Variants in FRRS1L observed in about 807,000 individuals in gnomAD.
The protein encoded by FRRS1L is ferric chelate reductase 1 like.
A neutral mutation model predicts 28.6 loss-of-function variants in FRRS1L; 22 were observed. The ratio of observed to expected loss-of-function variants is 0.77; its 90% CI spans 0.55 to 1.10. The LOEUF is 1.10. Ranked by LOEUF, FRRS1L falls within the 50% of genes least tolerant of loss-of-function variation. The pLI, the probability that FRRS1L is intolerant of heterozygous loss-of-function variation, is 0.00. For missense variants in FRRS1L, 380 were observed against 386.9 expected, an observed-to-expected ratio of 0.98 and a Z score of 0.15; for synonymous variants, 158 against 151.4, an observed-to-expected ratio of 1.04 and a Z score of -0.32.
Position 109,133,794 on chromosome 9 carries a change from A to C in FRRS1L, c.*3661T>G, listed in dbSNP as rs1356568803. On this transcript the variant is annotated 3_prime_UTR_variant, in exon 5 of 5. Transcript: ENST00000561981. ...TCTATTCAGGTACTTTACGAAAAAC[A>C]CTGGTTGGGCATCTCCTCTGTGACA... The C allele has an allele frequency of 7.2e-5, 11 of 152,254 alleles. No individual in the cohort carries two copies. The East Asian group carries it at 2.1e-3, about 29-fold the overall frequency. 9.4% of individuals were successfully genotyped at this position (152,254 alleles called of 1,614,324 possible). A position where few individuals can be genotyped will look rare whatever the true frequency, so the allele number is the denominator to read the frequency against.
chr9:109,161,037 G>T (rs1019532807), intron 1 of FRRS1L, among the ~76,000 whole-genome samples: 9 of 151,672 alleles, frequency 5.9e-5, no homozygotes, highest in African/African-American at 2.2e-4. Flanking sequence ...GTGATCTGCC[G>T]CCTCGGCTTC....
At chr9:109,153,204 G>C (rs956708439) in intron 1 of FRRS1L, among the ~76,000 whole-genome samples, 3 of 152,160 alleles carry the variant, frequency 2.0e-5, no homozygotes, top group African/African-American at 7.2e-5. Context: ...TGAGCAACGG[G>C]ATGACTAAGA....
intron 4 of FRRS1L, chr9:109,140,033 CT>C (rs1451951585): frequency 1.3e-5 from 2 of 152,240 alleles, no homozygotes; most frequent in African/African-American, 4.8e-5. Context: ...CTCAGTGTAA[CT>C]TGATTTTAGC....
chr9:109,164,259 C>T (rs1831517950), intron 1 of FRRS1L, among the ~76,000 whole-genome samples: 1 of 151,924 alleles, frequency 6.6e-6, no homozygotes, highest in Admixed American at 6.6e-5. Flanking sequence ...ATGAAACTGT[C>T]AGAGAGAAGA....
In FRRS1L at chr9:109,131,628, C is replaced by T. The variant is rs537713337; in HGVS notation, c.*5827G>A. The T allele has an allele frequency of 6.6e-6, 1 of 152,334 alleles. No individual in the cohort carries two copies. Among genetic ancestry groups the T allele is most frequent in the South Asian group, 2.1e-4 (1 of 4,822 alleles). 9.4% of individuals were successfully genotyped at this position (152,334 alleles called of 1,614,324 possible). ...ATCATAAGTCAAAACAATTATGGGA[C>T]ATAACCCCATTGTAAGTTGTAGGAA... On this transcript the variant is annotated 3_prime_UTR_variant, in exon 5 of 5. Coordinates refer to ENST00000561981, the MANE Select transcript of FRRS1L (RefSeq NM_014334.4).
Position 109,137,624 on chromosome 9 carries a change from G to C in FRRS1L, c.713C>G (p.Ser238Cys), listed in dbSNP as rs2118459558. Residue 238 changes from serine (S) to cysteine (C), a missense_variant, in exon 5 of 5, where the codon TCT becomes TGT. Coordinates refer to ENST00000561981, the MANE Select transcript of FRRS1L (RefSeq NM_014334.4). The stretch of plus-strand genomic sequence containing the variant: ...TGAGTCTATATCATGTCGAGTGATA[G>C]AGCCTTTAAGAAAAAAAGAGAAGAG... Reference protein sequence around the residue: ...LFAWGPAIQGSITRHDIDSPP... With the variant: ...LFAWGPAIQGCITRHDIDSPP... The C allele has an allele frequency of 6.4e-7, 1 of 1,551,126 alleles. No homozygotes were observed. The highest frequency in any genetic ancestry group is 1.2e-5 in the South Asian group (1 of 80,518).
chr9:109,158,843 T>C (rs181199334), intron 1 of FRRS1L, among the ~76,000 whole-genome samples: 68 of 152,388 alleles, frequency 4.5e-4, no homozygotes, highest in African/African-American at 1.6e-3. Flanking sequence ...GGAGTAGAAA[T>C]GCTGCATCAT....
chr9:109,166,898 C>T lies in FRRS1L; in HGVS notation c.238+3G>A. The T allele has an allele frequency of 3.0e-6, 4 of 1,326,118 alleles. No individual in the cohort carries two copies. The highest frequency in any genetic ancestry group is 3.9e-6 in the Non-Finnish European group (4 of 1,026,438). 82.1% of individuals were successfully genotyped at this position (1,326,118 alleles called of 1,614,324 possible). A position where few individuals can be genotyped will look rare whatever the true frequency, so the allele number is the denominator to read the frequency against. On this transcript the variant is annotated splice_donor_region_variant and intron_variant, in intron 1 of 4. Transcript: ENST00000561981. ...GCAACCCCTCGCCCTCCCGCAGCCT[C>T]ACCCTCCTCCGACAGGTAGCGCAGG... is the stretch of plus-strand genomic sequence containing the variant.
At chr9:109,154,902 T>C (rs866576935) in intron 1 of FRRS1L, among the ~76,000 whole-genome samples, 4 of 152,234 alleles carry the variant, frequency 2.6e-5, no homozygotes, top group Admixed American at 6.5e-5. Flanking sequence ...CTATGTAGCA[T>C]GGAATTCTGC....
At position 109,130,933 on chromosome 9, in the gene FRRS1L, C is replaced by T. The variant is rs1479175496; in HGVS notation, c.*6522G>A. 6.6e-6 allele frequency: 1 copy of T among 152,130 alleles called. No homozygotes were observed. The highest frequency in any genetic ancestry group is 1.9e-4 in the East Asian group (1 of 5,200). 9.4% of individuals were successfully genotyped at this position (152,130 alleles called of 1,614,324 possible). A position where few individuals can be genotyped will look rare whatever the true frequency, so the allele number is the denominator to read the frequency against. ...GGCTATCAGCCTAATAGCAAATATCCAGGGGAAAACTGAACACATTAATCA... is the reference window on the plus strand; with the variant it reads ...GGCTATCAGCCTAATAGCAAATATCTAGGGGAAAACTGAACACATTAATCA... On this transcript the variant is annotated 3_prime_UTR_variant, in exon 5 of 5. Coordinates refer to ENST00000561981, the MANE Select transcript of FRRS1L (RefSeq NM_014334.4).
chr9:109,143,433 C>T (rs565284994), intron 3 of FRRS1L, among the ~76,000 whole-genome samples: 2 of 151,858 alleles, frequency 1.3e-5, no homozygotes, highest in South Asian at 2.1e-4. Flanking sequence ...TCTGTACCTT[C>T]GGCTCCATTT....
intron 3 of FRRS1L, 92 bp from the exon 4 acceptor site, chr9:109,141,681 T>C: frequency 7.2e-7 from 1 of 1,380,000 alleles, no homozygotes; most frequent in Non-Finnish European, 9.9e-7. Flanking sequence ...ATCTCTGCAA[T>C]TTGAAATCCC....
intron 2 of FRRS1L, among the ~76,000 whole-genome samples, chr9:109,149,254 T>C (rs1457468746): frequency 6.6e-6 from 1 of 152,224 alleles, no homozygotes; most frequent in Non-Finnish European, 1.5e-5. Context: ...AGGTCAGGAC[T>C]ATTTACTAAA....
At chr9:109,149,580 C>T (rs1831303706) in intron 2 of FRRS1L, 56 bp downstream of exon 2, 5 of 1,163,676 alleles carry the variant, frequency 4.3e-6, no homozygotes, top group Middle Eastern at 3.8e-4. Context: ...TAAATACTAC[C>T]CTGAGAAGTA....
intron 3 of FRRS1L, among the ~76,000 whole-genome samples, chr9:109,145,410 T>C (rs1383837355): frequency 6.6e-6 from 1 of 152,118 alleles, no homozygotes; most frequent in Non-Finnish European, 1.5e-5. Flanking sequence ...TCCACAAATA[T>C]TCAAAAAGAG....
intron 1 of FRRS1L, among the ~76,000 whole-genome samples, chr9:109,152,875 A>T (rs565384952): frequency 6.8e-6 from 1 of 148,144 alleles, no homozygotes; most frequent in East Asian, 2.0e-4. Context: ...ATGAAAGCAA[A>T]TTTTGGAACA....
intron 2 of FRRS1L, chr9:109,148,350 A>G (rs1352293511): frequency 6.6e-6 from 1 of 152,226 alleles, no homozygotes; most frequent in Non-Finnish European, 1.5e-5. Flanking sequence ...ATACAACAAT[A>G]TAAGGTGATT....
chr9:109,141,679 A>C (rs1318934364), intron 3 of FRRS1L, 90 bp from the exon 4 acceptor site: 20 of 1,389,596 alleles, frequency 1.4e-5, no homozygotes, highest in Non-Finnish European at 1.7e-5. Flanking sequence ...TCATCTCTGC[A>C]ATTTGAAATC....
intron 4 of FRRS1L, chr9:109,139,180 C>G (rs538224443): frequency 1.3e-5 from 2 of 151,608 alleles, no homozygotes; most frequent in South Asian, 4.2e-4. Context: ...GCCTGGGCGA[C>G]AGAGTGAGAC....
Sources: allele counts gnomAD v4.1 joint callset (sites outside exome capture counted in the v4.1 genomes callset), GRCh38; gene constraint gnomAD v4.1.1; transcripts MANE v1.5; gene names NCBI Gene and HGNC (gene_info 2026-07-23, HGNC 2026-07-21).